Variants in ZNF683 observed in about 807,000 individuals in gnomAD.
ZNF683 encodes tissue-resident T-cell transcription regulator protein ZNF683.
ZNF683 carries 20 observed loss-of-function variants against 31.4 expected under a neutral mutation model. That is an observed-to-expected ratio of 0.64 (90% CI 0.45 to 0.93). The LOEUF is 0.93. ZNF683 is among the 40% of genes least tolerant of loss of function. The probability of loss-of-function intolerance (pLI) is 0.00; values close to 1 mark genes in which losing one functional copy is unlikely to be tolerated. For missense variants in ZNF683, 621 were observed against 637.2 expected, an observed-to-expected ratio of 0.97 and a Z score of 0.27; for synonymous variants, 264 against 267.6, an observed-to-expected ratio of 0.99 and a Z score of 0.13.
In ZNF683 at chr1:26,368,584, T is replaced by C; in HGVS notation, c.-13A>G. On this transcript the variant is annotated splice_region_variant and 5_prime_UTR_variant, in exon 2 of 6. Transcript: ENST00000349618. The stretch of plus-strand genomic sequence containing the variant: ...ATTCTTCCTTCATATCCCCATTACC[T>C]GCTGGGAAACAGGTGAGTTAGAGGT... The C allele has an allele frequency of 6.3e-7, 1 of 1,592,518 alleles. No individual in the cohort carries two copies. The highest frequency in any genetic ancestry group is 8.5e-7 in the Non-Finnish European group (1 of 1,170,074).
chr1:26,365,018 G>A lies in ZNF683; in HGVS notation c.528C>T (p.Pro176=), dbSNP rs745854219. The change falls in exon 4 of 6, where the codon CCC becomes CCT. Residue 176 remains proline (P), a synonymous_variant. Coordinates refer to ENST00000349618, the MANE Select transcript of ZNF683 (RefSeq NM_001114759.3). ...GCTCCTTGGAGATGGAGTTGACAGGGGGACAGGGGCAGAAAGCCAAGGGGC... is the reference window on the plus strand; with the variant it reads ...GCTCCTTGGAGATGGAGTTGACAGGAGGACAGGGGCAGAAAGCCAAGGGGC... ...SPSPLAFCPC[P]PVNSISKELP... 6.9e-6 allele frequency: 11 copies of A among 1,587,508 alleles called. No individual in the cohort carries two copies. In the South Asian group the frequency reaches 1.0e-4, roughly 15 times the overall value.
rs2074486004 is a variant in ZNF683 at position 26,365,034 on chromosome 1, G to C, written c.512C>G (p.Ala171Gly). The C allele has an allele frequency of 3.1e-6, 5 of 1,594,066 alleles. No homozygotes were observed. The highest frequency in any genetic ancestry group is 3.6e-5 in the Admixed American group (2 of 56,116). The change falls in exon 4 of 6, where the codon GCT becomes GGT. Residue 171 changes from alanine to glycine, a missense_variant. By Grantham distance (60) the Ala-to-Gly change is moderately conservative. Transcript: ENST00000349618. ...GTTGACAGGGGGACAGGGGCAGAAA[G>C]CCAAGGGGCTGGGGCTCTTTCTGTT... is the stretch of plus-strand genomic sequence containing the variant. The part of the protein sequence containing the change: ...LQNRKSPSPL[A>G]FCPCPPVNSI...
At position 26,361,951 on chromosome 1, in the gene ZNF683, G is replaced by A. The variant is rs949434592; in HGVS notation, c.1215C>T (p.Pro405=). ...THLRLHSGAR[P]FQCSVCRSRF... ...GACTCCGGCAGACACTGCACTGGAA[G>A]GGCCGGGCCCCGGAGTGCAGGCGCA... is the stretch of plus-strand genomic sequence containing the variant. Residue 405 remains proline, a synonymous_variant, in exon 6 of 6, where the codon CCC becomes CCT. Transcript: ENST00000349618. 6.2e-7 allele frequency: 1 copy of A among 1,613,904 alleles called. No individual in the cohort carries two copies. Among genetic ancestry groups the A allele is most frequent in the African/African-American group, 1.3e-5 (1 of 74,938 alleles).
At chr1:26,366,529 A>C (rs2074527663) in intron 3 of ZNF683, among the ~76,000 whole-genome samples, 1 of 152,036 alleles carries the variant, frequency 6.6e-6, no homozygotes, top group African/African-American at 2.4e-5. Context: ...GTTACAACAA[A>C]CCTAGAACCC....
At chr1:26,364,131 T>C (rs2074455976) in intron 4 of ZNF683, among the ~76,000 whole-genome samples, 1 of 152,248 alleles carries the variant, frequency 6.6e-6, no homozygotes, top group South Asian at 2.1e-4. Flanking sequence ...TTCCCTCATC[T>C]GACTGCCCAA....
intron 5 of ZNF683, 99 bp downstream of exon 5, chr1:26,362,927 G>T (rs2124116983): frequency 6.9e-7 from 1 of 1,457,224 alleles, no homozygotes; most frequent in East Asian, 2.5e-5. Flanking sequence ...CACTTGCTCA[G>T]GAGGACTGGG....
rs1461983376 is a variant in ZNF683 at position 26,364,960 on chromosome 1, A to G, written c.586T>C (p.Tyr196His). Residue 196 changes from tyrosine (Y) to histidine (H), a missense_variant, in exon 4 of 6, where the codon TAC becomes CAC. Physicochemically the swap from Tyr to His is moderately conservative, Grantham distance 83. Coordinates refer to ENST00000349618, the MANE Select transcript of ZNF683 (RefSeq NM_001114759.3). The stretch of plus-strand genomic sequence containing the variant: ...TGGGGTGGAGGCAGGAGAAGTGGGT[A>G]TCCAGGGTAGAAGGCGTGGAGGAGA... Reference protein sequence around the residue: ...PFLLHAFYPGYPLLLPPPHLF... With the variant: ...PFLLHAFYPGHPLLLPPPHLF... 1 of 1,566,796 alleles carries G rather than the reference A, an allele frequency of 6.4e-7. No individual in the cohort carries two copies. The highest frequency in any genetic ancestry group is 1.2e-5 in the South Asian group (1 of 81,812).
In ZNF683 at chr1:26,367,683, G is replaced by T. The variant is rs1362680822; in HGVS notation, c.229C>A (p.Leu77Ile). Reference sequence around the variant, plus strand: ...CACAGGTTCAGGTCCAGGTCCTGTAGGCAGGCCAGCAGTGCAGACCTGCCC... The same window carrying T: ...CACAGGTTCAGGTCCAGGTCCTGTATGCAGGCCAGCAGTGCAGACCTGCCC... Reference protein sequence around the residue: ...APGRSALLACLQDLDLNLCTP... With the variant: ...APGRSALLACIQDLDLNLCTP... The change falls in exon 3 of 6, where the codon CTA (leucine) becomes ATA (isoleucine). Residue 77 changes from leucine to isoleucine, a missense_variant. Leu to Ile is a conservative substitution (Grantham distance 5, BLOSUM62 2). Transcript: ENST00000349618. The T allele has an allele frequency of 6.2e-7, 1 of 1,612,978 alleles. No homozygotes were observed. Among genetic ancestry groups the T allele is most frequent in the East Asian group, 2.2e-5 (1 of 44,854 alleles).
Position 26,361,963 on chromosome 1 carries a change from G to A in ZNF683, c.1203C>T (p.Ser401=), listed in dbSNP as rs146588417. The change falls in exon 6 of 6, where the codon TCC becomes TCT. Residue 401 remains serine, a synonymous_variant. Coordinates refer to ENST00000349618, the MANE Select transcript of ZNF683 (RefSeq NM_001114759.3). ...CACTGCACTGGAAGGGCCGGGCCCC[G>A]GAGTGCAGGCGCAGGTGGGTCTTGA... is the stretch of plus-strand genomic sequence containing the variant. ...SNLKTHLRLH[S]GARPFQCSVC... 3.5e-4 allele frequency: 568 copies of A among 1,613,982 alleles called. 2 individuals carry two copies. In the African/African-American group the frequency reaches 6.8e-3, roughly 19 times the overall value.
chr1:26,365,105 G>A lies in ZNF683; in HGVS notation c.441C>T (p.Cys147=). Residue 147 remains cysteine (C), a synonymous_variant, in exon 4 of 6, where the codon TGC becomes TGT. Transcript: ENST00000349618. ...QPERAGEGAP[C]PAFSSHNSSS... ...AGCTGTTATGAGAGGAGAAGGCTGG[G>A]CAGGGGGCCCCCTCGCCAGCTCTTT... is the stretch of plus-strand genomic sequence containing the variant. 1 of 1,607,104 alleles carries A rather than the reference G, an allele frequency of 6.2e-7. No individual in the cohort carries two copies.
At chr1:26,372,595 A>C (rs1411442323) in intron 1 of ZNF683, 74 bp downstream of exon 1, 1 of 1,304,882 alleles carries the variant, frequency 7.7e-7, no homozygotes. Context: ...CCCAACTCTC[A>C]GAACACCTTG....
upstream of ZNF683, chr1:26,374,245 G>A (rs765695568): frequency 2.8e-5 from 36 of 1,303,292 alleles, 1 homozygote; most frequent in South Asian, 4.0e-4. Flanking sequence ...ACCGAGTGAA[G>A]TTTCCTCCCC....
Position 26,363,059 on chromosome 1 carries a change from C to G in ZNF683, c.1110G>C (p.Leu370=), listed in dbSNP as rs1317871934. ...TGTGGGGCCGCTCCCCAGTGTGCAC[C>G]AGGTGGTGCTTCTGCAGGTGGGCAA... The part of the protein sequence containing the change: ...TQLAHLQKHH[L]VHTGERPHKC... Residue 370 remains leucine (L), a synonymous_variant, in exon 5 of 6, where the codon CTG becomes CTC. Coordinates refer to ENST00000349618, the MANE Select transcript of ZNF683 (RefSeq NM_001114759.3). 1 of 1,612,320 alleles carries G rather than the reference C, an allele frequency of 6.2e-7. No individual in the cohort carries two copies. The highest frequency in any genetic ancestry group is 2.2e-5 in the East Asian group (1 of 44,832).
At position 26,361,700 on chromosome 1, in the gene ZNF683, A is replaced by C; in HGVS notation, c.1466T>G (p.Leu489Arg). Reference sequence around the variant, plus strand: ...CACCAGGGGAGTCCCGGCACTGCTCAGGCTCACTGCTCTTGCTTTCCCCTG... The same window carrying C: ...CACCAGGGGAGTCCCGGCACTGCTCCGGCTCACTGCTCTTGCTTTCCCCTG... ...TSQGKARAVS[L>R]SSAGTPLVMG... is the part of the protein sequence containing the mutation. The change falls in exon 6 of 6, where the codon CTG becomes CGG. Residue 489 changes from leucine to arginine, a missense_variant. Coordinates refer to ENST00000349618, the MANE Select transcript of ZNF683 (RefSeq NM_001114759.3). 6.2e-7 allele frequency: 1 copy of C among 1,614,040 alleles called. No homozygotes were observed. The highest frequency in any genetic ancestry group is 1.1e-5 in the South Asian group (1 of 91,088).
intron 3 of ZNF683, among the ~76,000 whole-genome samples, chr1:26,365,987 C>A (rs1431604883): frequency 6.6e-6 from 1 of 152,000 alleles, no homozygotes; most frequent in African/African-American, 2.4e-5. Context: ...TCAAGACCAG[C>A]CTGACCAACA....
At chr1:26,374,240 G>C, upstream of ZNF683, 1 of 1,303,424 alleles carries the variant, frequency 7.7e-7, no homozygotes, top group Non-Finnish European at 1.0e-6. Context: ...GGGGCACCGA[G>C]TGAAGTTTCC....
At position 26,365,062 on chromosome 1, in the gene ZNF683, G is replaced by T; in HGVS notation, c.484C>A (p.Gln162Lys). The change falls in exon 4 of 6, where the codon CAG (glutamine) becomes AAG (lysine). Residue 162 changes from glutamine (Q) to lysine (K), a missense_variant. By Grantham distance (53) the Gln-to-Lys change is moderately conservative. Coordinates refer to ENST00000349618, the MANE Select transcript of ZNF683 (RefSeq NM_001114759.3). ...SHNSSSPPPL[Q>K]NRKSPSPLAF... The stretch of plus-strand genomic sequence containing the variant: ...AAGGGGCTGGGGCTCTTTCTGTTCT[G>T]CAGCGGTGGTGGGGAAGAGCTGTTA... 1 of 1,606,468 alleles carries T rather than the reference G, an allele frequency of 6.2e-7. No homozygotes were observed. The highest frequency in any genetic ancestry group is 8.5e-7 in the Non-Finnish European group (1 of 1,176,654).
In ZNF683 at chr1:26,364,690, G is replaced by A. The variant is rs774564919; in HGVS notation, c.856C>T (p.Leu286=). 6 of 1,613,958 alleles carry A rather than the reference G, an allele frequency of 3.7e-6. No homozygotes were observed. The highest frequency in any genetic ancestry group is 4.2e-6 in the Non-Finnish European group (5 of 1,179,854). The change falls in exon 4 of 6, where the codon CTG becomes TTG. Residue 286 remains leucine (L), a synonymous_variant. Transcript: ENST00000349618. ...AGAAPTDSPG[L]ERGGMASPAK... is the part of the protein sequence containing the mutation. ...GGAGATGCCATGCCACCACGCTCCA[G>A]GCCTGGGGAGTCGGTTGGGGCAGCT...
rs761154339 is a variant in ZNF683 at position 26,362,220 on chromosome 1, C to G, written c.1144-198G>C. On this transcript the variant is annotated intron_variant, in intron 5 of 5. Transcript: ENST00000349618. ...CCAACTTGGGTTAGTGTCCTTTACT[C>G]CATGTGTGACCTTGTAAAAGTAACT... The G allele has an allele frequency of 5.2e-6, 8 of 1,546,432 alleles. No homozygotes were observed. The African/African-American group carries it at 1.1e-4, about 21-fold the overall frequency.
Sources: allele counts gnomAD v4.1 joint callset (sites outside exome capture counted in the v4.1 genomes callset), GRCh38; gene constraint gnomAD v4.1.1; transcripts MANE v1.5; gene names NCBI Gene and HGNC (gene_info 2026-07-23, HGNC 2026-07-21).